RAP1GAP2: variants seen among roughly 807,000 people sequenced by gnomAD.
The protein encoded by RAP1GAP2 is rap1 GTPase-activating protein 2.
A neutral mutation model predicts 95.0 loss-of-function variants in RAP1GAP2; 27 were observed. The ratio of observed to expected loss-of-function variants is 0.28; its 90% CI spans 0.21 to 0.39. RAP1GAP2 has a LOEUF of 0.39. RAP1GAP2 is among the 10% of genes least tolerant of loss of function. The probability of loss-of-function intolerance (pLI) is 1.00; values close to 1 mark genes in which losing one functional copy is unlikely to be tolerated. For missense variants in RAP1GAP2, 771 were observed against 970.0 expected, an observed-to-expected ratio of 0.79 and a Z score of 2.72; for synonymous variants, 373 against 380.9, an observed-to-expected ratio of 0.98 and a Z score of 0.24.
intron 8 of RAP1GAP2, among the ~76,000 whole-genome samples, chr17:2,966,931 C>CT (rs377042262): frequency 1.1e-3 from 173 of 152,290 alleles, no homozygotes; most frequent in African/African-American, 3.9e-3. Context: ...GGAAATGCTG[C>CT]TTCGGGGCTG....
upstream of RAP1GAP2, among the ~76,000 whole-genome samples, chr17:2,794,507 G>A (rs868642763): frequency 6.6e-6 from 1 of 152,198 alleles, no homozygotes; most frequent in Non-Finnish European, 1.5e-5. Context: ...CCACCCCAGA[G>A]CATGAACCAC....
chr17:2,783,615 G>A (rs1370550989), intron 1 of RAP1GAP2, among the ~76,000 whole-genome samples: 1 of 152,236 alleles, frequency 6.6e-6, no homozygotes, highest in African/African-American at 2.4e-5. Flanking sequence ...TCCTGCCAGT[G>A]TTCTGGTTAT....
At position 2,902,553 on chromosome 17, in the gene RAP1GAP2, T is replaced by G. The variant is rs1284560936; in HGVS notation, c.81-2731T>G. ...TGTTTTTGAGGGTGGCAGTCATGCC[T>G]TCTGCCCACCCTGGCACCCCCTCTG... On this transcript the variant is annotated intron_variant, in intron 2 of 24. Transcript: ENST00000254695. This position sits in a 1 kb window ranked among gnomAD's most constrained non-coding sequence, Gnocchi z 4.1. Among the ~76,000 whole-genome samples the G allele has an allele frequency of 1.3e-5, 2 of 152,152 alleles. No homozygotes were observed. The highest frequency in any genetic ancestry group is 6.6e-5 in the Admixed American group (1 of 15,262).
At chr17:2,950,146 C>T (rs2043866674) in intron 3 of RAP1GAP2, among the ~76,000 whole-genome samples, 1 of 151,596 alleles carries the variant, frequency 6.6e-6, no homozygotes, top group Non-Finnish European at 1.5e-5. Context: ...CTCCACCTCC[C>T]AGGTTCAAGT....
Position 2,904,866 on chromosome 17 carries a change from C to G in RAP1GAP2, c.81-418C>G, listed in dbSNP as rs563829628. 6.6e-6 allele frequency among the ~76,000 whole-genome samples: 1 copy of G among 151,872 alleles called. No individual in the cohort carries two copies. Among genetic ancestry groups the G allele is most frequent in the South Asian group, 2.1e-4 (1 of 4,818 alleles). ...TGGAGTAAAGAAAATGCTCCCAATTCTGGTTTCTGCATTGTATTTTTTTTT... is the reference window on the plus strand; with the variant it reads ...TGGAGTAAAGAAAATGCTCCCAATTGTGGTTTCTGCATTGTATTTTTTTTT... On this transcript the variant is annotated intron_variant, in intron 2 of 24. Transcript: ENST00000254695. This position sits in a 1 kb window ranked among gnomAD's most constrained non-coding sequence, Gnocchi z 4.7.
intron 1 of RAP1GAP2, among the ~76,000 whole-genome samples, chr17:2,769,582 TAAATA>T (rs536530028): frequency 8.1e-4 from 122 of 150,852 alleles, no homozygotes; most frequent in South Asian, 6.7e-3. Context: ...TGAAATAACA[TAAATA>T]AAATAAAATA....
chr17:2,951,408 T>C (rs8070261), intron 3 of RAP1GAP2, among the ~76,000 whole-genome samples: 137,260 of 152,268 alleles, frequency 0.9, 63,150 homozygotes, highest in Non-Finnish European at 1. Context: ...ATGAATTCTT[T>C]GATGCTTCTC....
intron 8 of RAP1GAP2, among the ~76,000 whole-genome samples, chr17:2,973,612 T>C (rs1413179719): frequency 6.6e-6 from 1 of 152,176 alleles, no homozygotes; most frequent in East Asian, 1.9e-4. Flanking sequence ...GTTTAAATAA[T>C]GAATTTATGA....
intron 16 of RAP1GAP2, among the ~76,000 whole-genome samples, chr17:3,006,831 C>T (rs530004124): frequency 6.7e-6 from 1 of 150,154 alleles, no homozygotes; most frequent in Admixed American, 6.6e-5. Context: ...GGAGAGTACA[C>T]AGGGTAGTCG....
intron 1 of RAP1GAP2, among the ~76,000 whole-genome samples, chr17:2,765,610 G>T (rs574795175): frequency 6.6e-6 from 1 of 151,930 alleles, no homozygotes; most frequent in African/African-American, 2.4e-5. Flanking sequence ...GGGCATGGTG[G>T]TGGGCGCCTG....
chr17:2,993,972 G>A (rs1051503334), intron 12 of RAP1GAP2, among the ~76,000 whole-genome samples: 1 of 152,230 alleles, frequency 6.6e-6, no homozygotes, highest in African/African-American at 2.4e-5. Flanking sequence ...CTTGAGCCCA[G>A]GAGGTTGAGG....
chr17:2,921,693 T>TCCGCAGGGC (rs2042779758), intron 3 of RAP1GAP2, among the ~76,000 whole-genome samples: 1 of 123,158 alleles, frequency 8.1e-6, no homozygotes, highest in African/African-American at 3.1e-5. Flanking sequence ...CGTTAAGGTG[T>TCCGCAGGGC]CCGCAGGGCC....
intron 2 of RAP1GAP2, among the ~76,000 whole-genome samples, chr17:2,839,439 C>T (rs950467751): frequency 6.6e-6 from 1 of 152,164 alleles, no homozygotes; most frequent in Non-Finnish European, 1.5e-5. Context: ...CTATAATTAA[C>T]ATTAGTGTGG....
At chr17:2,984,207 G>A (rs1176048391) in intron 10 of RAP1GAP2, among the ~76,000 whole-genome samples, 1 of 152,112 alleles carries the variant, frequency 6.6e-6, no homozygotes, top group Non-Finnish European at 1.5e-5. Flanking sequence ...AAATTAGCCG[G>A]TGTGATGGTG....
At chr17:2,861,089 G>A (rs2072368311) in intron 2 of RAP1GAP2, among the ~76,000 whole-genome samples, 1 of 152,006 alleles carries the variant, frequency 6.6e-6, no homozygotes, top group South Asian at 2.1e-4. Flanking sequence ...CAGGCCCTTT[G>A]CACCTGCTGT....
At chr17:2,840,884 G>C (rs1440877114) in intron 2 of RAP1GAP2, among the ~76,000 whole-genome samples, 1 of 152,194 alleles carries the variant, frequency 6.6e-6, no homozygotes, top group Non-Finnish European at 1.5e-5. Context: ...TGTAGTCCCA[G>C]TTACTCAGGA....
At position 3,003,900 on chromosome 17, in the gene RAP1GAP2, A is replaced by G. The variant is rs1567882655; in HGVS notation, c.1201-1469A>G. On this transcript the variant is annotated intron_variant, in intron 14 of 24. Transcript: ENST00000254695. This position sits in a 1 kb window ranked among gnomAD's most constrained non-coding sequence, Gnocchi z 4.1. ...GGGCCCTGTCCTCCGTGTGGCCCACAGGGCTCTGCTGTGGGACTGTCCAGC... is the reference window on the plus strand; with the variant it reads ...GGGCCCTGTCCTCCGTGTGGCCCACGGGGCTCTGCTGTGGGACTGTCCAGC... Among the ~76,000 whole-genome samples, 1 of 152,186 alleles carries G rather than the reference A, an allele frequency of 6.6e-6. No individual in the cohort carries two copies. The highest frequency in any genetic ancestry group is 1.5e-5 in the Non-Finnish European group (1 of 68,034).
chr17:2,801,716 T>C (rs2069307914), intron 2 of RAP1GAP2, among the ~76,000 whole-genome samples: 1 of 149,166 alleles, frequency 6.7e-6, no homozygotes, highest in African/African-American at 2.5e-5. Flanking sequence ...CCCTGGGGCT[T>C]TCTGAGGCTC....
intron 19 of RAP1GAP2, among the ~76,000 whole-genome samples, chr17:3,023,078 G>C (rs1041649913): frequency 6.6e-6 from 1 of 152,190 alleles, no homozygotes; most frequent in Non-Finnish European, 1.5e-5. Context: ...ATTTGTGGAT[G>C]TTGAACCATC....
Sources: gnomAD v4.1 joint callset for allele counts (sites outside exome capture counted in the v4.1 genomes callset) on GRCh38, gnomAD v4.1.1 for gene constraint, Gnocchi (gnomAD v3.1) non-coding constraint, MANE v1.5 for transcripts, NCBI Gene and HGNC (gene_info 2026-07-23, HGNC 2026-07-21) for gene names.